Variants in ZBED6 observed in about 807,000 individuals in gnomAD.
ZBED6 encodes zinc finger BED-type containing 6.
In ZBED6, 40 loss-of-function variants were observed where a neutral mutation model predicts 58.4. The observed-to-expected ratio is 0.68, with a 90% CI of 0.53 to 0.89. The LOEUF (loss-of-function observed/expected upper bound fraction) is 0.89, where lower values mean the gene tolerates loss of function less well. Among genes scored for constraint, ZBED6 ranks in the 40% least tolerant of loss-of-function variants. ZBED6 has a pLI of 0.00. For synonymous variants in ZBED6, 439 were observed against 350.6 expected, an observed-to-expected ratio of 1.25 and a Z score of -2.82; for missense variants, 1,057 against 1,003.9, an observed-to-expected ratio of 1.05 and a Z score of -0.71.
chr1:203,833,741 A>G, intron 8 of ZBED6, 50 bp from the exon 9 acceptor site: 18 of 1,550,432 alleles, frequency 1.2e-5, no homozygotes, highest in Non-Finnish European at 1.6e-5. Flanking sequence ...TAGTTACTGA[A>G]TACAGAAAAA....
chr1:203,836,736 A>G (rs1273839446), intron 9 of ZBED6, among the ~76,000 whole-genome samples: 2 of 152,206 alleles, frequency 1.3e-5, no homozygotes, highest in African/African-American at 4.8e-5. Context: ...AGATCTTCCC[A>G]CTGCACTCCA....
chr1:203,816,806 T>C (rs1195605616), intron 1 of ZBED6, 120 bp from the exon 2 acceptor site: 2 of 363,468 alleles, frequency 5.5e-6, no homozygotes, highest in Non-Finnish European at 1.0e-5. Flanking sequence ...TACAAGGCTC[T>C]GTATAAGCAA....
intron 1 of ZBED6, among the ~76,000 whole-genome samples, chr1:203,808,661 C>T (rs982057493): frequency 8.6e-5 from 13 of 152,034 alleles, no homozygotes; most frequent in Admixed American, 8.5e-4. Flanking sequence ...GTGGAGATGT[C>T]GTGTCAGTAA....
At chr1:203,816,000 CTT>C (rs1017233548) in intron 1 of ZBED6, among the ~76,000 whole-genome samples, 1 of 152,164 alleles carries the variant, frequency 6.6e-6, no homozygotes, top group African/African-American at 2.4e-5. Flanking sequence ...ACTTTTGCGT[CTT>C]GTTTGTAATT....
intron 3 of ZBED6, among the ~76,000 whole-genome samples, chr1:203,822,676 TA>T (rs1185102102): frequency 6.6e-6 from 1 of 152,184 alleles, no homozygotes; most frequent in African/African-American, 2.4e-5. Context: ...GAGACATTGC[TA>T]ACCCTGCTCA....
chr1:203,844,638 C>G (rs1195933013), intron 11 of ZBED6, among the ~76,000 whole-genome samples: 1 of 151,978 alleles, frequency 6.6e-6, no homozygotes, highest in African/African-American at 2.4e-5. Context: ...AGACCCTTTC[C>G]CCAAGTTGTC....
chr1:203,810,033 A>C (rs1299961609), intron 1 of ZBED6, among the ~76,000 whole-genome samples: 1 of 152,146 alleles, frequency 6.6e-6, no homozygotes, highest in Non-Finnish European at 1.5e-5. Flanking sequence ...TTTAAACTTA[A>C]GAAATTTATG....
chr1:203,811,674 A>G (rs974811586), intron 1 of ZBED6, among the ~76,000 whole-genome samples: 3 of 152,070 alleles, frequency 2.0e-5, no homozygotes, highest in Non-Finnish European at 4.4e-5. Context: ...ACGCCTGGCT[A>G]ATTTTTTGTA....
At chr1:203,827,350 CTT>C (rs200907717) in intron 3 of ZBED6, among the ~76,000 whole-genome samples, 13 of 140,164 alleles carry the variant, frequency 9.3e-5, no homozygotes, top group East Asian at 4.1e-4. Flanking sequence ...CACAGGTATT[CTT>C]TTTTTTTTTT....
exon 10 of ZBED6, chr1:203,837,997 C>T (rs1466909327): frequency 1.2e-6 from 2 of 1,614,006 alleles, no homozygotes; most frequent in African/African-American, 2.7e-5. Flanking sequence ...TAAAGCGTAG[C>T]CTGGCACAGA....
At chr1:203,804,152 GTTT>G (rs74546279) in intron 1 of ZBED6, among the ~76,000 whole-genome samples, 41 of 105,138 alleles carry the variant, frequency 3.9e-4, no homozygotes, top group Admixed American at 2.6e-3. Flanking sequence ...CTGTATATGT[GTTT>G]TTTTTTTTTT....
At chr1:203,820,769 G>A (rs753564784) in intron 3 of ZBED6, among the ~76,000 whole-genome samples, 3 of 151,940 alleles carry the variant, frequency 2.0e-5, no homozygotes, top group South Asian at 2.1e-4. Flanking sequence ...TGTGAGCCAC[G>A]CCCGGCGAAT....
chr1:203,831,575 T>G (rs545530356), intron 7 of ZBED6, 86 bp from the exon 8 acceptor site: 1 of 1,103,486 alleles, frequency 9.1e-7, no homozygotes, highest in East Asian at 2.6e-5. Flanking sequence ...GTATTGGACT[T>G]AACTGGTTAC....
chr1:203,850,056 A>C, intron 14 of ZBED6, 30 bp downstream of exon 14: 1 of 1,594,796 alleles, frequency 6.3e-7, no homozygotes, highest in Non-Finnish European at 8.5e-7. Flanking sequence ...GTATTGCTTT[A>C]GGTTATCAAA....
chr1:203,848,889 T>C (rs1688609818), intron 13 of ZBED6, among the ~76,000 whole-genome samples: 1 of 151,396 alleles, frequency 6.6e-6, no homozygotes, highest in Non-Finnish European at 1.5e-5. Context: ...ATCTTTTCCA[T>C]GGATTTCTTC....
chr1:203,798,054 G>A, exon 1 of ZBED6: 1 of 1,535,674 alleles, frequency 6.5e-7, no homozygotes, highest in East Asian at 2.4e-5. Context: ...ACATCTGCAA[G>A]CAAGGCATTC....
At chr1:203,809,030 A>G (rs1450723843) in intron 1 of ZBED6, among the ~76,000 whole-genome samples, 1 of 151,720 alleles carries the variant, frequency 6.6e-6, no homozygotes, top group Non-Finnish European at 1.5e-5. Context: ...GGATTTCACC[A>G]TGTTGGTCAA....
At chr1:203,801,900 A>G (rs1411562063) in exon 1 of ZBED6, 1 of 152,500 alleles carries the variant, frequency 6.6e-6, no homozygotes, top group Admixed American at 6.6e-5. Context: ...CCTTTTACTA[A>G]CTGGAGTAAA....
chr1:203,822,354 T>C (rs892755346), intron 3 of ZBED6, among the ~76,000 whole-genome samples: 2 of 152,072 alleles, frequency 1.3e-5, no homozygotes, highest in African/African-American at 4.8e-5. Flanking sequence ...TAGTACTCTG[T>C]GCTAAGCCTC....
Sources: gnomAD v4.1 joint callset for allele counts (sites outside exome capture counted in the v4.1 genomes callset) on GRCh38, gnomAD v4.1.1 for gene constraint, MANE v1.5 for transcripts, NCBI Gene and HGNC (gene_info 2026-07-23, HGNC 2026-07-21) for gene names.